NAV3: variants seen among roughly 807,000 people sequenced by gnomAD.
The protein encoded by NAV3 is neuron navigator 3.
Under a neutral mutation model 244.7 loss-of-function variants are expected in NAV3, and 87 were observed. That is an observed-to-expected ratio of 0.36 (90% CI 0.30 to 0.42). NAV3 has a LOEUF of 0.42. Ranked by LOEUF, NAV3 falls within the 20% of genes least tolerant of loss-of-function variation. The pLI, the probability that NAV3 is intolerant of heterozygous loss-of-function variation, is 1.00. For synonymous variants in NAV3, 1,126 were observed against 1,042.2 expected, an observed-to-expected ratio of 1.08 and a Z score of -1.55; for missense variants, 2,663 against 2,893.3, an observed-to-expected ratio of 0.92 and a Z score of 1.83.
chr12:77,893,130 TAAAGG>T, intron 1 of NAV3, among the ~76,000 whole-genome samples: 1 of 152,200 alleles, frequency 6.6e-6, no homozygotes, highest in Admixed American at 6.5e-5. Context: ...GCATAGCATG[TAAAGG>T]ATCTTTATAA....
At chr12:77,576,395 C>T (rs1869085474) in intron 2 of NAV3, among the ~76,000 whole-genome samples, 1 of 151,958 alleles carries the variant, frequency 6.6e-6, no homozygotes, top group African/African-American at 2.4e-5. Flanking sequence ...TATTCTTTCT[C>T]TTTCAACTGA....
chr12:77,939,883 A>G (rs896333713), intron 1 of NAV3, among the ~76,000 whole-genome samples: 1 of 152,200 alleles, frequency 6.6e-6, no homozygotes, highest in African/African-American at 2.4e-5. Flanking sequence ...AGTATCTCAC[A>G]TGACAAATTC....
chr12:77,980,671 T>C (rs991862998), intron 5 of NAV3, among the ~76,000 whole-genome samples: 1 of 152,130 alleles, frequency 6.6e-6, no homozygotes, highest in African/African-American at 2.4e-5. Flanking sequence ...TCTGAATGTA[T>C]TGAGATGTAA....
At position 77,709,604 on chromosome 12, in the gene NAV3, C is replaced by T. The variant is rs555127896; in HGVS notation, c.72+137338C>T. Among the ~76,000 whole-genome samples the T allele has an allele frequency of 4.7e-3, 710 of 152,272 alleles. 7 individuals carry two copies. Among genetic ancestry groups the T allele is most frequent in the African/African-American group, 0.016 (680 of 41,568 alleles). ...TATAAAATTTCCCTAAGTATAAAAT[C>T]TTTCCTTACAAAATGACGAGTTAAG... is the stretch of plus-strand genomic sequence containing the variant. On this transcript the variant is annotated intron_variant, in intron 2 of 8. Coordinates refer to the NAV3 transcript ENST00000550042.
chr12:77,858,294 A>G (rs1878704055), intron 1 of NAV3, among the ~76,000 whole-genome samples: 1 of 152,074 alleles, frequency 6.6e-6, no homozygotes, highest in Non-Finnish European at 1.5e-5. Flanking sequence ...TGAAAATGGG[A>G]AACAGGGGGT....
chr12:77,765,364 C>A (rs945926094), intron 2 of NAV3, among the ~76,000 whole-genome samples: 4 of 152,162 alleles, frequency 2.6e-5, no homozygotes, highest in African/African-American at 9.7e-5. Flanking sequence ...AGGTACCATG[C>A]CAGTTACATA....
At chr12:77,912,163 C>T (rs1886664661) in intron 1 of NAV3, among the ~76,000 whole-genome samples, 1 of 152,068 alleles carries the variant, frequency 6.6e-6, no homozygotes, top group Non-Finnish European at 1.5e-5. Context: ...CCATCACCAC[C>T]TGTGAATGTG....
intron 2 of NAV3, among the ~76,000 whole-genome samples, chr12:77,760,397 C>T (rs942970988): frequency 6.6e-6 from 1 of 152,154 alleles, no homozygotes; most frequent in African/African-American, 2.4e-5. Flanking sequence ...AGTTTCTTGC[C>T]ATACATGTGA....
chr12:77,641,765 A>G (rs944905632), intron 2 of NAV3, among the ~76,000 whole-genome samples: 2 of 152,114 alleles, frequency 1.3e-5, no homozygotes, highest in Non-Finnish European at 2.9e-5. Context: ...AATTGTCTGT[A>G]CAACCTTAAC....
At chr12:77,996,971 G>A (rs1872448396) in intron 6 of NAV3, among the ~76,000 whole-genome samples, 1 of 151,916 alleles carries the variant, frequency 6.6e-6, no homozygotes, top group Non-Finnish European at 1.5e-5. Flanking sequence ...GGCCAGACAC[G>A]GTGGCTCACG....
At chr12:77,901,617 C>T (rs781158534) in intron 1 of NAV3, among the ~76,000 whole-genome samples, 7 of 151,976 alleles carry the variant, frequency 4.6e-5, no homozygotes, top group South Asian at 2.1e-4. Flanking sequence ...GGCTGAGGCA[C>T]GAGAATCACT....
At chr12:77,833,835 C>T (rs983094821) in intron 1 of NAV3, among the ~76,000 whole-genome samples, 1 of 152,102 alleles carries the variant, frequency 6.6e-6, no homozygotes, top group African/African-American at 2.4e-5. Context: ...GGAGTTGGGC[C>T]GCCCAGCAGC....
chr12:77,873,748 ATATATATATATATATATATG>A (rs1881401512), intron 1 of NAV3, among the ~76,000 whole-genome samples: 13 of 81,940 alleles, frequency 1.6e-4, no homozygotes, highest in African/African-American at 2.9e-4. Flanking sequence ...GTGTGTGTAT[ATATATATATATATATATATG>A]TATATAACAG....
intron 2 of NAV3, among the ~76,000 whole-genome samples, chr12:77,633,272 A>T (rs989885213): frequency 2.6e-5 from 4 of 152,242 alleles, no homozygotes; most frequent in Admixed American, 2.6e-4. Context: ...CTTAAGCAGA[A>T]TCGTTTCAAA....
intron 2 of NAV3, among the ~76,000 whole-genome samples, chr12:77,741,627 A>C (rs1369302166): frequency 6.6e-6 from 1 of 152,182 alleles, no homozygotes; most frequent in Admixed American, 6.6e-5. Flanking sequence ...TCTGATAAAT[A>C]GAAGATTTGC....
At chr12:78,003,753 G>A (rs1364274670) in intron 7 of NAV3, among the ~76,000 whole-genome samples, 3 of 152,162 alleles carry the variant, frequency 2.0e-5, no homozygotes, top group Non-Finnish European at 4.4e-5. Flanking sequence ...CATCAATATT[G>A]TTTATTTACA....
intron 2 of NAV3, among the ~76,000 whole-genome samples, chr12:77,573,373 G>A (rs1289949208): frequency 1.3e-5 from 2 of 152,128 alleles, no homozygotes; most frequent in Non-Finnish European, 2.9e-5. Flanking sequence ...AATAGAGGCA[G>A]AAATGCATAG....
intron 1 of NAV3, among the ~76,000 whole-genome samples, chr12:77,903,849 C>T (rs1452357335): frequency 1.3e-5 from 2 of 152,150 alleles, no homozygotes; most frequent in Non-Finnish European, 2.9e-5. Flanking sequence ...TGAACAGGCA[C>T]TTCTCAAAAG....
At chr12:77,983,525 C>A (rs1008039019) in intron 5 of NAV3, among the ~76,000 whole-genome samples, 1 of 152,090 alleles carries the variant, frequency 6.6e-6, no homozygotes, top group East Asian at 1.9e-4. Flanking sequence ...TTTAATGGAA[C>A]TTTGGTGACT....
Sources: allele counts gnomAD v4.1 joint callset (sites outside exome capture counted in the v4.1 genomes callset), GRCh38; gene constraint gnomAD v4.1.1; transcripts MANE v1.5; gene names NCBI Gene and HGNC (gene_info 2026-07-23, HGNC 2026-07-21).